Variants in CLASP1 observed in about 807,000 individuals in gnomAD.
The protein encoded by CLASP1 is cytoplasmic linker associated protein 1, also known as CLIP-associating protein 1.
In CLASP1, 38 loss-of-function variants were observed where a neutral mutation model predicts 192.3. The observed-to-expected ratio is 0.20, with a 90% CI of 0.15 to 0.26. The LOEUF (loss-of-function observed/expected upper bound fraction) is 0.26. CLASP1 is among the 10% of genes least tolerant of loss of function. The probability of loss-of-function intolerance (pLI) is 1.00; values close to 1 mark genes in which losing one functional copy is unlikely to be tolerated. For missense variants in CLASP1, 1,433 were observed against 1,932.5 expected, an observed-to-expected ratio of 0.74 and a Z score of 4.85; for synonymous variants, 691 against 712.8, an observed-to-expected ratio of 0.97 and a Z score of 0.49.
intron 1 of CLASP1, among the ~76,000 whole-genome samples, chr2:121,624,708 C>A (rs770919762): frequency 6.6e-6 from 1 of 152,178 alleles, no homozygotes; most frequent in African/African-American, 2.4e-5. Flanking sequence ...TGAGCCAGTG[C>A]GCCCAGCCCA....
intron 2 of CLASP1, among the ~76,000 whole-genome samples, chr2:121,584,865 A>AT (rs1485939114): frequency 1.3e-5 from 2 of 152,244 alleles, no homozygotes; most frequent in East Asian, 3.8e-4. Context: ...ATTTAAATCC[A>AT]TAACAGGTCA....
intron 2 of CLASP1, among the ~76,000 whole-genome samples, chr2:121,591,859 A>G (rs1208978900): frequency 1.3e-5 from 2 of 152,316 alleles, no homozygotes; most frequent in South Asian, 4.2e-4. Context: ...ATGGACAGCC[A>G]TCTCTAACAG....
At chr2:121,404,433 G>C in exon 26 of CLASP1, 1 of 1,608,576 alleles carries the variant, frequency 6.2e-7, no homozygotes, top group Non-Finnish European at 8.5e-7. Flanking sequence ...AGTTCAACTC[G>C]ACTAGAAGAA....
intron 1 of CLASP1, among the ~76,000 whole-genome samples, chr2:121,609,213 C>G (rs2064862325): frequency 6.6e-6 from 1 of 152,188 alleles, no homozygotes; most frequent in African/African-American, 2.4e-5. Context: ...AGTTCCCATT[C>G]GTTCAAGTCT....
At chr2:121,602,646 T>C (rs143885325) in intron 2 of CLASP1, among the ~76,000 whole-genome samples, 59 of 152,114 alleles carry the variant, frequency 3.9e-4, no homozygotes, top group African/African-American at 1.3e-3. Context: ...AACACAGAAA[T>C]TAATCCACAT....
chr2:121,626,873 A>G (rs995818811), intron 1 of CLASP1, among the ~76,000 whole-genome samples: 1 of 152,216 alleles, frequency 6.6e-6, no homozygotes, highest in Non-Finnish European at 1.5e-5. Flanking sequence ...CAAAGGAAAG[A>G]TATATCCACC....
At chr2:121,566,500 A>T (rs1321704443) in intron 2 of CLASP1, among the ~76,000 whole-genome samples, 1 of 152,202 alleles carries the variant, frequency 6.6e-6, no homozygotes, top group Non-Finnish European at 1.5e-5. Context: ...GAACTAAAGA[A>T]ATATTGTTTA....
At chr2:121,459,484 GCCT>G (rs1211664667) in intron 12 of CLASP1, 1 of 153,342 alleles carries the variant, frequency 6.5e-6, no homozygotes, top group African/African-American at 2.4e-5. Flanking sequence ...CAGCTGCAAT[GCCT>G]CCTCCTGCTG....
chr2:121,409,444 G>T (rs1394557960), intron 24 of CLASP1, among the ~76,000 whole-genome samples: 1 of 152,150 alleles, frequency 6.6e-6, no homozygotes, highest in Non-Finnish European at 1.5e-5. Flanking sequence ...CAGGTCACTT[G>T]GAGAGACTCA....
chr2:121,430,188 C>G lies in CLASP1; in HGVS notation c.1913-11G>C. 1 of 1,546,922 alleles carries G rather than the reference C, an allele frequency of 6.5e-7. No individual in the cohort carries two copies. Among genetic ancestry groups the G allele is most frequent in the East Asian group, 2.4e-5 (1 of 41,218 alleles). On this transcript the variant is annotated splice_polypyrimidine_tract_variant and intron_variant, in intron 19 of 39. Transcript: ENST00000263710. Reference sequence around the variant, plus strand: ...TTGTGCGGATCCGACCTGGAGGACACAGCAAAAACAGTGTTTCACAACATT... The same window carrying G: ...TTGTGCGGATCCGACCTGGAGGACAGAGCAAAAACAGTGTTTCACAACATT...
chr2:121,564,237 C>G (rs533010255), intron 2 of CLASP1, among the ~76,000 whole-genome samples: 2 of 152,096 alleles, frequency 1.3e-5, no homozygotes, highest in Non-Finnish European at 2.9e-5. Flanking sequence ...AAAAAGGTGG[C>G]GGCGGGGTAG....
intron 16 of CLASP1, among the ~76,000 whole-genome samples, chr2:121,449,712 T>C (rs2085050173): frequency 6.6e-6 from 1 of 152,160 alleles, no homozygotes; most frequent in Non-Finnish European, 1.5e-5. Flanking sequence ...TATCACTTAT[T>C]TTGGTAGAAA....
intron 22 of CLASP1, among the ~76,000 whole-genome samples, chr2:121,424,491 A>G (rs1231935699): frequency 2.0e-5 from 3 of 152,242 alleles, no homozygotes; most frequent in Non-Finnish European, 4.4e-5. Context: ...AAAGACTTCT[A>G]AATTTTATAT....
intron 30 of CLASP1, among the ~76,000 whole-genome samples, chr2:121,393,825 G>A (rs1245167546): frequency 2.0e-5 from 3 of 150,884 alleles, no homozygotes; most frequent in Non-Finnish European, 4.4e-5. Flanking sequence ...AGTGCTGAAT[G>A]TTACTGAAAG....
chr2:121,406,750 C>T (rs1380672761), intron 25 of CLASP1, among the ~76,000 whole-genome samples: 2 of 152,066 alleles, frequency 1.3e-5, no homozygotes, highest in East Asian at 1.9e-4. Context: ...TCACCACATC[C>T]GGCTAATGTT....
Position 121,558,610 on chromosome 2 carries a change from G to A in CLASP1, c.196-28285C>T, listed in dbSNP as rs1389934870. ...CCATGTAATAACCCGCACCACCTCG[G>A]GACTCTGCAGAAAATGCCCACCAGC... is the stretch of plus-strand genomic sequence containing the variant. On this transcript the variant is annotated intron_variant, in intron 2 of 39. Transcript: ENST00000263710. 2.0e-5 allele frequency among the ~76,000 whole-genome samples: 3 copies of A among 152,112 alleles called. No homozygotes were observed. In the South Asian group the frequency reaches 6.2e-4, roughly 32 times the overall value.
chr2:121,530,200 TG>T, intron 3 of CLASP1, 46 bp downstream of exon 3: 1 of 1,485,962 alleles, frequency 6.7e-7, no homozygotes, highest in Non-Finnish European at 9.1e-7. Context: ...GAGGGAAGGC[TG>T]GGGGTCTGAA....
At chr2:121,459,430 A>G (rs1379079067) in intron 12 of CLASP1, among the ~76,000 whole-genome samples, 1 of 152,202 alleles carries the variant, frequency 6.6e-6, no homozygotes, top group Non-Finnish European at 1.5e-5. Context: ...ATCTTAACAT[A>G]AAATATTCAG....
chr2:121,444,639 C>A (rs1394246476), intron 19 of CLASP1, among the ~76,000 whole-genome samples: 2 of 152,270 alleles, frequency 1.3e-5, no homozygotes, highest in Middle Eastern at 3.4e-3. Context: ...AGGACAGTAG[C>A]ACACAGTGTG....
Sources: gnomAD v4.1 joint callset for allele counts (sites outside exome capture counted in the v4.1 genomes callset) on GRCh38, gnomAD v4.1.1 for gene constraint, MANE v1.5 for transcripts, NCBI Gene and HGNC (gene_info 2026-07-23, HGNC 2026-07-21) for gene names.